KIF13B: variants seen among roughly 807,000 people sequenced by gnomAD.
The protein encoded by KIF13B is kinesin family member 13B.
KIF13B carries 127 observed loss-of-function variants against 222.0 expected under a neutral mutation model. The observed-to-expected ratio is 0.57, with a 90% CI of 0.50 to 0.66. The LOEUF (loss-of-function observed/expected upper bound fraction) is 0.66. Ranked by LOEUF, KIF13B falls within the 30% of genes least tolerant of loss-of-function variation. The probability of loss-of-function intolerance (pLI) is 0.00; values close to 1 mark genes in which losing one functional copy is unlikely to be tolerated. For synonymous variants in KIF13B, 976 were observed against 919.0 expected (o/e 1.06, Z -1.12); for missense variants, 2,173 against 2,379.0 (o/e 0.91, Z 1.80).
At chr8:29,127,040 A>C (rs1586814717) in intron 25 of KIF13B, 82 bp downstream of exon 25, 2 of 1,224,842 alleles carry the variant, frequency 1.6e-6, no homozygotes, top group East Asian at 4.8e-5. Flanking sequence ...ATGTTCATAA[A>C]AAGTAGTTTC....
chr8:29,117,416 C>A (rs536268272), intron 30 of KIF13B, among the ~76,000 whole-genome samples: 146 of 152,282 alleles, frequency 9.6e-4, no homozygotes, highest in Non-Finnish European at 1.7e-3. Context: ...AAAGTAATAT[C>A]TAGGAAATTT....
chr8:29,118,775 TA>T lies in KIF13B; in HGVS notation c.3660+92del. ...TTTATGTATTTTGAGAAATGTAAAG[TA>T]CTGGCATGATTGCCTTATTGTTTCA... On this transcript the variant is annotated intron_variant, in intron 30 of 39. Transcript: ENST00000524189. 4 of 1,282,126 alleles carry T rather than the reference TA, an allele frequency of 3.1e-6. No homozygotes were observed. In the South Asian group the frequency reaches 5.5e-5, roughly 18 times the overall value. The allele number at this position is 1,282,126 out of a possible 1,614,324, so 79.4% of individuals were successfully genotyped here.
rs749071233 is a variant in KIF13B, at chr8:29,148,557, T to C, written c.1813+20A>G. The C allele has an allele frequency of 1.3e-6, 2 of 1,549,066 alleles. No homozygotes were observed. The highest frequency in any genetic ancestry group is 1.7e-6 in the Non-Finnish European group (2 of 1,144,284). ...CTACCAACTGGAACTGATTCTCAAG[T>C]GCACGCCCGACTTGCTCACCATTGC... On this transcript the variant is annotated intron_variant, in intron 16 of 39. Coordinates refer to ENST00000524189, the MANE Select transcript of KIF13B (RefSeq NM_015254.4).
In KIF13B at chr8:29,114,033, A is replaced by G. The variant is rs1163562817; in HGVS notation, c.3838-478T>C. ...CAAGATCGTTATGAGGAATGATTTA[A>G]GAGTGCACGGTCATTGTTTATGCTG... On this transcript the variant is annotated intron_variant, in intron 31 of 39. Coordinates refer to ENST00000524189, the MANE Select transcript of KIF13B (RefSeq NM_015254.4). Among the ~76,000 whole-genome samples, 3 of 152,232 alleles carry G rather than the reference A, an allele frequency of 2.0e-5. No individual in the cohort carries two copies. In the East Asian group the frequency reaches 5.8e-4, roughly 29 times the overall value.
Position 29,245,420 on chromosome 8 carries a change from T to A in KIF13B, c.75A>T (p.Lys25Asn). ...TGTTTGCATCCACATCCACCACACA[T>A]TTGGTATGCAAGTCAGTCTCTGTGG... ...MNRRETDLHTKCVVDVDANKV... is the reference protein window; with the variant it reads ...MNRRETDLHTNCVVDVDANKV... The change falls in exon 2 of 40, where the codon AAA becomes AAT. Residue 25 changes from lysine to asparagine, a missense_variant. By Grantham distance (94) the Lys-to-Asn change is moderately conservative. This residue lies in a region of KIF13B where 1,480 missense variants were observed against 1,722.8 expected (regional missense o/e 0.86). Transcript: ENST00000524189. The A allele has an allele frequency of 1.3e-6, 2 of 1,599,460 alleles. No individual in the cohort carries two copies. The highest frequency in any genetic ancestry group is 1.7e-6 in the Non-Finnish European group (2 of 1,171,632).
intron 36 of KIF13B, among the ~76,000 whole-genome samples, chr8:29,093,228 A>G (rs1416253691): frequency 1.3e-5 from 2 of 152,206 alleles, no homozygotes; most frequent in African/African-American, 4.8e-5. Flanking sequence ...CACACTGCCA[A>G]TGACACAGAT....
intron 3 of KIF13B, among the ~76,000 whole-genome samples, chr8:29,195,961 TAGG>T (rs2130378740): frequency 6.6e-6 from 1 of 152,370 alleles, no homozygotes; most frequent in African/African-American, 2.4e-5. Context: ...TTGTAGCTGC[TAGG>T]AGACCAGCCA....
chr8:29,142,375 C>G, intron 18 of KIF13B, 72 bp from the exon 19 acceptor site: 1 of 1,341,444 alleles, frequency 7.5e-7, no homozygotes, highest in Non-Finnish European at 1.0e-6. Flanking sequence ...AATTCCACCC[C>G]CATCAGTCAA....
At chr8:29,133,694 C>T (rs1297836155) in intron 22 of KIF13B, among the ~76,000 whole-genome samples, 1 of 152,228 alleles carries the variant, frequency 6.6e-6, no homozygotes, top group Admixed American at 6.5e-5. Flanking sequence ...GCATTCGGTG[C>T]TCAATAAAGT....
rs191543713 is a variant in KIF13B, at chr8:29,192,782, G to A, written c.163-1725C>T. Among the ~76,000 whole-genome samples the A allele has an allele frequency of 1.0e-3, 159 of 152,290 alleles. 2 individuals carry two copies. Among genetic ancestry groups the A allele is most frequent in the Non-Finnish European group, 1.3e-4 (9 of 68,026 alleles). ...CTAAAATTAACTCAAAACGACAGGC[G>A]ATGGGGGAAGTGGGGAAATTGCCAA... On this transcript the variant is annotated intron_variant, in intron 3 of 39. Coordinates refer to ENST00000524189, the MANE Select transcript of KIF13B (RefSeq NM_015254.4).
chr8:29,235,926 G>A (rs1815487845), intron 2 of KIF13B, among the ~76,000 whole-genome samples: 1 of 152,106 alleles, frequency 6.6e-6, no homozygotes, highest in South Asian at 2.1e-4. Context: ...ATATTTACAA[G>A]GAAAATAAAC....
chr8:29,125,893 G>A (rs965693600), intron 26 of KIF13B, among the ~76,000 whole-genome samples: 6 of 152,162 alleles, frequency 3.9e-5, no homozygotes, highest in African/African-American at 9.7e-5. Context: ...TGGATCACAA[G>A]GTCAGGAATT....
intron 36 of KIF13B, among the ~76,000 whole-genome samples, chr8:29,093,756 C>A (rs142305160): frequency 5.9e-5 from 9 of 151,742 alleles, no homozygotes; most frequent in Admixed American, 2.0e-4. Flanking sequence ...TGTAAGTATA[C>A]GGCAAAAAGT....
At chr8:29,081,133 C>T (rs564703527) in intron 37 of KIF13B, among the ~76,000 whole-genome samples, 1 of 152,284 alleles carries the variant, frequency 6.6e-6, no homozygotes, top group South Asian at 2.1e-4. Context: ...TGATTCATTC[C>T]ACAAATACAA....
In KIF13B at chr8:29,070,673, G is replaced by A. The variant is rs569156581; in HGVS notation, c.5312C>T (p.Thr1771Met). The A allele has an allele frequency of 7.5e-5, 117 of 1,561,614 alleles. No homozygotes were observed. The East Asian group carries it at 9.4e-4, about 13-fold the overall frequency. The change falls in exon 40 of 40, where the codon ACG becomes ATG. Residue 1771 changes from threonine (T) to methionine (M), a missense_variant. Around this residue, in one of 2 missense-constraint regions of KIF13B, gnomAD observed 693 missense variants for 656.2 expected, o/e 1.06. Coordinates refer to ENST00000524189, the MANE Select transcript of KIF13B (RefSeq NM_015254.4). The surrounding 1 kb of genome is among the most constrained non-coding windows in gnomAD (Gnocchi z 4.1). ...TGTGCTGCGCCGCCGCACAGGGCCC[G>A]TGGCCCTGCGGACCCGGCTGGGCCT... ...LVRPSRVRRA[T>M]GPVRRRSTGL...
At chr8:29,239,352 C>G (rs537710656) in intron 2 of KIF13B, among the ~76,000 whole-genome samples, 1 of 152,232 alleles carries the variant, frequency 6.6e-6, no homozygotes, top group Non-Finnish European at 1.5e-5. Flanking sequence ...TTTCACTGCA[C>G]ACTTCCTTGA....
chr8:29,159,460 C>T (rs1811677524), intron 13 of KIF13B, among the ~76,000 whole-genome samples: 1 of 152,090 alleles, frequency 6.6e-6, no homozygotes, highest in South Asian at 2.1e-4. Context: ...AATAATATAT[C>T]ATTTTTTAAT....
At chr8:29,255,739 A>C (rs925650654) in intron 1 of KIF13B, among the ~76,000 whole-genome samples, 3 of 152,038 alleles carry the variant, frequency 2.0e-5, no homozygotes, top group Non-Finnish European at 4.4e-5. Context: ...GTTTCAGTGA[A>C]ATTATCCTGA....
intron 1 of KIF13B, among the ~76,000 whole-genome samples, chr8:29,261,705 T>C: frequency 6.6e-6 from 1 of 152,158 alleles, no homozygotes; most frequent in East Asian, 1.9e-4. Flanking sequence ...AATCTTGCAC[T>C]AGTTGAGAAC....
Sources: allele counts gnomAD v4.1 joint callset (sites outside exome capture counted in the v4.1 genomes callset), GRCh38; gene constraint gnomAD v4.1.1; regional missense constraint gnomAD v4.1.1; non-coding constraint Gnocchi (gnomAD v3.1); transcripts MANE v1.5; gene names NCBI Gene and HGNC (gene_info 2026-07-23, HGNC 2026-07-21).